Variants in SERPINE2 observed in about 807,000 individuals in gnomAD.
SERPINE2 encodes glia-derived nexin.
SERPINE2 carries 14 observed loss-of-function variants against 36.3 expected under a neutral mutation model. The ratio of observed to expected loss-of-function variants is 0.39; its 90% CI spans 0.25 to 0.60. The LOEUF (loss-of-function observed/expected upper bound fraction) is 0.60. Ranked by LOEUF, SERPINE2 falls within the 20% of genes least tolerant of loss-of-function variation. The pLI, the probability that SERPINE2 is intolerant of heterozygous loss-of-function variation, is 0.57. For synonymous variants in SERPINE2, 192 were observed against 191.8 expected, an observed-to-expected ratio of 1.00 and a Z score of -0.01; for missense variants, 418 against 499.6, an observed-to-expected ratio of 0.84 and a Z score of 1.56.
At chr2:224,016,361 T>G (rs1418307880) in intron 1 of SERPINE2, among the ~76,000 whole-genome samples, 1 of 152,026 alleles carries the variant, frequency 6.6e-6, no homozygotes, top group Non-Finnish European at 1.5e-5. Context: ...TAAAAATTAG[T>G]CAGTCGTCGC....
chr2:224,021,429 T>A (rs914288184), intron 1 of SERPINE2, among the ~76,000 whole-genome samples: 1 of 152,114 alleles, frequency 6.6e-6, no homozygotes, highest in African/African-American at 2.4e-5. Context: ...GCTTCAAAGA[T>A]GAAGGGAAGA....
At chr2:223,999,753 C>A (rs1397690596) in intron 2 of SERPINE2, among the ~76,000 whole-genome samples, 4 of 152,202 alleles carry the variant, frequency 2.6e-5, no homozygotes, top group Non-Finnish European at 1.5e-5. Flanking sequence ...GGCTTAAAAT[C>A]AGTGTGGCTC....
At chr2:223,986,552 T>G (rs1690437214) in intron 4 of SERPINE2, among the ~76,000 whole-genome samples, 1 of 152,126 alleles carries the variant, frequency 6.6e-6, no homozygotes, top group Non-Finnish European at 1.5e-5. Context: ...TAAATCTCTA[T>G]TCTGGCGGAG....
chr2:224,021,601 C>T (rs184286545), intron 1 of SERPINE2, among the ~76,000 whole-genome samples: 1 of 152,228 alleles, frequency 6.6e-6, no homozygotes, highest in Non-Finnish European at 1.5e-5. Flanking sequence ...GTGTTTCCCA[C>T]CACAGGGTAA....
intron 5 of SERPINE2, among the ~76,000 whole-genome samples, chr2:223,983,807 G>C (rs1690322830): frequency 6.7e-6 from 1 of 150,020 alleles, no homozygotes; most frequent in African/African-American, 2.5e-5. Flanking sequence ...TATCAGATTT[G>C]ATCTCATCCT....
At chr2:224,010,323 TA>T (rs1691580677) in intron 1 of SERPINE2, 2 of 984,748 alleles carry the variant, frequency 2.0e-6, no homozygotes, top group Non-Finnish European at 1.2e-6. Context: ...AAAAGGAACC[TA>T]AAAATGTTTA....
intron 1 of SERPINE2, among the ~76,000 whole-genome samples, chr2:224,004,213 G>A (rs1316984840): frequency 6.6e-6 from 1 of 152,306 alleles, no homozygotes; most frequent in African/African-American, 2.4e-5. Flanking sequence ...TCTGAGGGAA[G>A]AGCCACCATC....
Position 223,991,727 on chromosome 2 carries a change from G to A in SERPINE2, c.685+76C>T, listed in dbSNP as rs1690679686. 5 of 1,436,844 alleles carry A rather than the reference G, an allele frequency of 3.5e-6. No individual in the cohort carries two copies. The Admixed American group carries it at 8.6e-5, about 25-fold the overall frequency. 89.0% of individuals were successfully genotyped at this position (1,436,844 alleles called of 1,614,324 possible). On this transcript the variant is annotated intron_variant, in intron 4 of 8. Coordinates refer to ENST00000409304, the MANE Select transcript of SERPINE2 (RefSeq NM_001136528.2). ...AAGATGAAAAGTTAGATTTGCTCTGGAATTAAGTTAAAGCACTCAAGGGCC... is the reference window on the plus strand; with the variant it reads ...AAGATGAAAAGTTAGATTTGCTCTGAAATTAAGTTAAAGCACTCAAGGGCC...
intron 1 of SERPINE2, among the ~76,000 whole-genome samples, chr2:224,016,528 T>C (rs1169504416): frequency 2.6e-5 from 4 of 151,526 alleles, no homozygotes; most frequent in Admixed American, 2.6e-4. Context: ...AAAAATAGTT[T>C]GGTAGTTTCT....
chr2:223,976,683 TCATAA>T (rs1690024000), intron 8 of SERPINE2, among the ~76,000 whole-genome samples: 2 of 152,226 alleles, frequency 1.3e-5, no homozygotes, highest in Non-Finnish European at 2.9e-5. Flanking sequence ...AACTTATACT[TCATAA>T]TTGTAATAAG....
rs371902586 is a variant in SERPINE2, at chr2:223,983,186, T to C, written c.885-405A>G. On this transcript the variant is annotated intron_variant, in intron 5 of 8. Coordinates refer to ENST00000409304, the MANE Select transcript of SERPINE2 (RefSeq NM_001136528.2). ...TTCTCCATATCCATCTTGGCTGCTC[T>C]AAGACCTGCCATCCTTATTGGGATT... 7.9e-5 allele frequency among the ~76,000 whole-genome samples: 12 copies of C among 152,380 alleles called. No individual in the cohort carries two copies. The East Asian group carries it at 2.3e-3, about 29-fold the overall frequency.
intron 1 of SERPINE2, among the ~76,000 whole-genome samples, chr2:224,006,075 G>C (rs1691412958): frequency 6.6e-6 from 1 of 152,182 alleles, no homozygotes; most frequent in Non-Finnish European, 1.5e-5. Flanking sequence ...GCAAATGCCA[G>C]ACTCAAAATA....
intron 7 of SERPINE2, 96 bp from the exon 8 acceptor site, chr2:223,977,723 T>G (rs1690065859): frequency 1.2e-6 from 1 of 811,060 alleles, no homozygotes. Context: ...CCTCAGAGGC[T>G]GGTGTCTGAA....
intron 1 of SERPINE2, among the ~76,000 whole-genome samples, chr2:224,011,109 A>AC (rs1477501037): frequency 6.6e-6 from 1 of 152,122 alleles, no homozygotes; most frequent in Non-Finnish European, 1.5e-5. Flanking sequence ...CGGTCTGCTG[A>AC]CTCAGATCAT....
chr2:224,038,587 T>G, intron 1 of SERPINE2: 1 of 1,327,146 alleles, frequency 7.5e-7, no homozygotes. Flanking sequence ...AGAGGCCAAG[T>G]TAAAGGCTTT....
At chr2:224,031,745 G>T in intron 1 of SERPINE2, among the ~76,000 whole-genome samples, 1 of 149,298 alleles carries the variant, frequency 6.7e-6, no homozygotes, top group Admixed American at 6.7e-5. Flanking sequence ...TCCTCCCTAG[G>T]ATTTCCACCC....
chr2:223,977,546 G>A lies in SERPINE2; in HGVS notation c.1154C>T (p.Thr385Ile). The A allele has an allele frequency of 6.3e-7, 1 of 1,597,856 alleles. No homozygotes were observed. The highest frequency in any genetic ancestry group is 8.6e-7 in the Non-Finnish European group (1 of 1,165,238). The change falls in exon 8 of 9, where the codon ACA (threonine) becomes ATA (isoleucine). Residue 385 changes from threonine to isoleucine, a missense_variant and splice_region_variant. Physicochemically the swap from Thr to Ile is moderately conservative, Grantham distance 89. Coordinates refer to ENST00000409304, the MANE Select transcript of SERPINE2 (RefSeq NM_001136528.2). ...GATGGAAGAGGAGAGTCACTTACCT[G>A]TAGGATTATGTCGGATGAAAAACAG... The part of the protein sequence containing the change: ...PFLFFIRHNP[T>I]GAVLFMGQIN...
intron 1 of SERPINE2, among the ~76,000 whole-genome samples, chr2:224,009,767 T>A (rs914442185): frequency 6.6e-6 from 1 of 152,048 alleles, no homozygotes; most frequent in African/African-American, 2.4e-5. Flanking sequence ...CTGAATGGCC[T>A]TAAGTAAAAT....
At chr2:224,033,863 T>C (rs1692454685) in intron 1 of SERPINE2, among the ~76,000 whole-genome samples, 1 of 152,136 alleles carries the variant, frequency 6.6e-6, no homozygotes, top group African/African-American at 2.4e-5. Flanking sequence ...CACAAGTGCT[T>C]CTGTATTAGA....
Sources: allele counts gnomAD v4.1 joint callset (sites outside exome capture counted in the v4.1 genomes callset), GRCh38; gene constraint gnomAD v4.1.1; transcripts MANE v1.5; gene names NCBI Gene and HGNC (gene_info 2026-07-23, HGNC 2026-07-21).